EEA1: variants seen among roughly 807,000 people sequenced by gnomAD.
EEA1 encodes the protein early endosome antigen 1, also known as early endosome antigen 1, 162kD.
In EEA1, 111 loss-of-function variants were observed where a neutral mutation model predicts 209.2. The ratio of observed to expected loss-of-function variants is 0.53; its 90% CI spans 0.45 to 0.62. EEA1 has a LOEUF of 0.62. EEA1 is among the 20% of genes least tolerant of loss of function. The pLI is 0.00. For synonymous variants in EEA1, 536 were observed against 540.6 expected, an observed-to-expected ratio of 0.99 and a Z score of 0.12; for missense variants, 1,343 against 1,530.8, an observed-to-expected ratio of 0.88 and a Z score of 2.05.
At chr12:92,833,327 C>G (rs1876749361) in intron 10 of EEA1, among the ~76,000 whole-genome samples, 1 of 152,102 alleles carries the variant, frequency 6.6e-6, no homozygotes, top group Non-Finnish European at 1.5e-5. Context: ...TTATGCTCTT[C>G]TTGTTAAAGA....
rs888779344 is a variant in EEA1, at chr12:92,784,203, G to A, written c.3151-2068C>T. Among the ~76,000 whole-genome samples, 5 of 152,272 alleles carry A rather than the reference G, an allele frequency of 3.3e-5. No homozygotes were observed. In the East Asian group the frequency reaches 5.8e-4, roughly 18 times the overall value. The stretch of plus-strand genomic sequence containing the variant: ...CTGGTCTTTGACTTAAGGGAGTTGA[G>A]TACATCGCCCAAAAAGCAGAACAGC... On this transcript the variant is annotated intron_variant, in intron 22 of 28. Coordinates refer to ENST00000322349, the MANE Select transcript of EEA1 (RefSeq NM_003566.4).
At chr12:92,927,724 T>G (rs117292215) in intron 1 of EEA1, among the ~76,000 whole-genome samples, 51 of 152,350 alleles carry the variant, frequency 3.3e-4, no homozygotes, top group Non-Finnish European at 4.4e-4. Context: ...AAGTAAATCA[T>G]GCACAGATGT....
chr12:92,881,897 T>C (rs1879163947), intron 2 of EEA1, among the ~76,000 whole-genome samples: 2 of 152,200 alleles, frequency 1.3e-5, no homozygotes, highest in South Asian at 4.1e-4. Flanking sequence ...TGGGTCCACT[T>C]ACACGTGGAT....
intron 21 of EEA1, among the ~76,000 whole-genome samples, chr12:92,794,879 GA>G (rs59978677): frequency 1.9e-4 from 28 of 146,432 alleles, no homozygotes; most frequent in South Asian, 6.5e-4. Flanking sequence ...TTAAATAAAA[GA>G]AAAAAAAAAG....
At chr12:92,883,694 A>G in intron 2 of EEA1, 3 of 748,016 alleles carry the variant, frequency 4.0e-6, no homozygotes, top group Non-Finnish European at 4.6e-6. Flanking sequence ...ATACAGTGAG[A>G]CACGTTCATC....
chr12:92,788,552 T>G (rs1874242379), intron 21 of EEA1, among the ~76,000 whole-genome samples: 1 of 152,186 alleles, frequency 6.6e-6, no homozygotes, highest in Admixed American at 6.5e-5. Flanking sequence ...CTCACAAAGT[T>G]TTAAAGCTCC....
intron 18 of EEA1, among the ~76,000 whole-genome samples, chr12:92,805,487 A>T (rs1160828591): frequency 3.9e-5 from 6 of 152,334 alleles, no homozygotes; most frequent in African/African-American, 1.4e-4. Flanking sequence ...GGAACAGTCA[A>T]GAGCCCTCAT....
Position 92,799,028 on chromosome 12 carries a change from T to G in EEA1, c.2831A>C (p.Gln944Pro). Residue 944 changes from glutamine to proline, a missense_variant, in exon 21 of 29, where the codon CAG becomes CCG. Physicochemically the swap from Gln to Pro is moderately conservative, Grantham distance 76. This residue lies in a region of EEA1 where 1,307 missense variants were observed against 1,465.5 expected (regional missense o/e 0.89). Coordinates refer to ENST00000322349, the MANE Select transcript of EEA1 (RefSeq NM_003566.4). ...NSMQEQLIQA[Q>P]NTLKQNEKEE... ...TTTTTCATTTTGTTTTAAAGTATTCTGGGCCTGTATAAGTTGTTCCTGCAT... is the reference window on the plus strand; with the variant it reads ...TTTTTCATTTTGTTTTAAAGTATTCGGGGCCTGTATAAGTTGTTCCTGCAT... 1 of 1,612,698 alleles carries G rather than the reference T, an allele frequency of 6.2e-7. No homozygotes were observed. Among genetic ancestry groups the G allele is most frequent in the Non-Finnish European group, 8.5e-7 (1 of 1,179,544 alleles).
At chr12:92,914,678 T>C (rs1236511018) in intron 1 of EEA1, among the ~76,000 whole-genome samples, 2 of 151,828 alleles carry the variant, frequency 1.3e-5, no homozygotes, top group African/African-American at 4.8e-5. Flanking sequence ...TTTTTTTTTT[T>C]TTTGAGAAGG....
At chr12:92,845,816 C>A (rs1877368146) in intron 9 of EEA1, among the ~76,000 whole-genome samples, 1 of 152,082 alleles carries the variant, frequency 6.6e-6, no homozygotes, top group South Asian at 2.1e-4. Context: ...TTTTAATCCC[C>A]ACACCTAAAG....
At chr12:92,856,459 G>A (rs1877885125) in intron 5 of EEA1, among the ~76,000 whole-genome samples, 1 of 152,024 alleles carries the variant, frequency 6.6e-6, no homozygotes, top group African/African-American at 2.4e-5. Context: ...TACAGAATAT[G>A]AGTGTGTGTG....
rs1017888048 is a variant in EEA1, at chr12:92,806,172, C to A, written c.2339+2845G>T. On this transcript the variant is annotated intron_variant, in intron 18 of 28. Coordinates refer to ENST00000322349, the MANE Select transcript of EEA1 (RefSeq NM_003566.4). ...AAGTAATAAGGTCTAAAGATGGAAACAATAAAGAGGAGAAATAAATAAGAT... is the reference window on the plus strand; with the variant it reads ...AAGTAATAAGGTCTAAAGATGGAAAAAATAAAGAGGAGAAATAAATAAGAT... Among the ~76,000 whole-genome samples the A allele has an allele frequency of 8.6e-5, 13 of 151,482 alleles. 1 individual carries two copies. The highest frequency in any genetic ancestry group is 3.9e-4 in the East Asian group (2 of 5,146).
intron 3 of EEA1, chr12:92,858,350 T>C: frequency 1.2e-6 from 1 of 848,012 alleles, no homozygotes; most frequent in Non-Finnish European, 2.0e-6. Context: ...TTAAACACAT[T>C]GGATATGATG....
At chr12:92,830,784 T>A (rs1156822534) in intron 11 of EEA1, among the ~76,000 whole-genome samples, 1 of 152,166 alleles carries the variant, frequency 6.6e-6, no homozygotes, top group Non-Finnish European at 1.5e-5. Flanking sequence ...CATTAGGCCA[T>A]AAAGAGTTAT....
chr12:92,827,906 G>A lies in EEA1; in HGVS notation c.1404+6C>T, dbSNP rs961905274. 6.5e-7 allele frequency: 1 copy of A among 1,546,698 alleles called. No individual in the cohort carries two copies. Among genetic ancestry groups the A allele is most frequent in the Non-Finnish European group, 8.7e-7 (1 of 1,152,114 alleles). On this transcript the variant is annotated splice_donor_region_variant and intron_variant, in intron 12 of 28. Transcript: ENST00000322349. Reference sequence around the variant, plus strand: ...GCCTATCAATAAATTGAAAATGCTAGCTTACCTGCTCTTCTAACCGAGAAA... The same window carrying A: ...GCCTATCAATAAATTGAAAATGCTAACTTACCTGCTCTTCTAACCGAGAAA...
chr12:92,880,250 T>G (rs1879077363), intron 2 of EEA1, among the ~76,000 whole-genome samples: 1 of 152,158 alleles, frequency 6.6e-6, no homozygotes, highest in Non-Finnish European at 1.5e-5. Flanking sequence ...CAAATGCAAA[T>G]GACTTGCACC....
In EEA1 at chr12:92,852,210, CTTTG is replaced by C. The variant is rs1396432189; in HGVS notation, c.603_606del (p.Asn201LysfsTer5). The stretch of plus-strand genomic sequence containing the variant: ...TTCAGATCTTGAATTACAGTTGCCT[CTTTG>C]TTTAATTCTTCTGTCAGACGTGTCA... On this transcript the variant is annotated frameshift_variant, in exon 8 of 29. Transcript: ENST00000322349. LOFTEE classifies it high-confidence loss of function. The C allele has an allele frequency of 3.1e-6, 5 of 1,592,578 alleles. No homozygotes were observed. Among genetic ancestry groups the C allele is most frequent in the Admixed American group, 1.8e-5 (1 of 56,652 alleles).
chr12:92,882,285 T>C (rs1879180810), intron 2 of EEA1, among the ~76,000 whole-genome samples: 1 of 152,068 alleles, frequency 6.6e-6, no homozygotes, highest in African/African-American at 2.4e-5. Context: ...TTTTTGTATT[T>C]TTAGTAGAAA....
intron 11 of EEA1, among the ~76,000 whole-genome samples, chr12:92,831,813 C>T (rs977849685): frequency 6.6e-6 from 1 of 151,604 alleles, no homozygotes; most frequent in Non-Finnish European, 1.5e-5. Context: ...TGGCCGGGCG[C>T]GGTGGCTCAC....
Sources: gnomAD v4.1 joint callset for allele counts (sites outside exome capture counted in the v4.1 genomes callset) on GRCh38, gnomAD v4.1.1 for gene constraint, gnomAD v4.1.1 regional missense constraint, MANE v1.5 for transcripts, NCBI Gene and HGNC (gene_info 2026-07-23, HGNC 2026-07-21) for gene names.